Variants in PANK4 observed in about 807,000 individuals in gnomAD.
PANK4 encodes pantothenate kinase 4 (inactive).
PANK4 carries 40 observed loss-of-function variants against 87.9 expected under a neutral mutation model. The ratio of observed to expected loss-of-function variants is 0.46; its 90% CI spans 0.35 to 0.59. The LOEUF is 0.59. Among genes scored for constraint, PANK4 ranks in the 20% least tolerant of loss-of-function variants. The probability of loss-of-function intolerance (pLI) is 0.00; values close to 1 mark genes in which losing one functional copy is unlikely to be tolerated. For missense variants in PANK4, 926 were observed against 1,072.3 expected (o/e 0.86, Z 1.90); for synonymous variants, 524 against 467.4 (o/e 1.12, Z -1.56).
Position 2,520,982 on chromosome 1 carries a change from A to C in PANK4, c.423-76T>G. 6.6e-7 allele frequency: 1 copy of C among 1,526,114 alleles called. No homozygotes were observed. The highest frequency in any genetic ancestry group is 8.9e-7 in the Non-Finnish European group (1 of 1,122,178). 94.5% of individuals were successfully genotyped at this position (1,526,114 alleles called of 1,614,324 possible). On this transcript the variant is annotated intron_variant, in intron 3 of 18. Coordinates refer to ENST00000378466, the MANE Select transcript of PANK4 (RefSeq NM_018216.4). This position sits in a 1 kb window ranked among gnomAD's most constrained non-coding sequence, Gnocchi z 6.2. The stretch of plus-strand genomic sequence containing the variant: ...AACCATGCAAGCCTGCCTGGTCCGA[A>C]GGGGCAGCCATGCCCCATGCGCAAT...
chr1:2,516,561 C>G (rs766511648), intron 9 of PANK4, among the ~76,000 whole-genome samples: 6 of 152,334 alleles, frequency 3.9e-5, no homozygotes, highest in Middle Eastern at 3.4e-3. Flanking sequence ...GGTGGCTACC[C>G]CACAGGTCAC....
rs1415760550 is a variant in PANK4 at position 2,520,283 on chromosome 1, C to G, written c.699+39G>C. 1 of 1,576,924 alleles carries G rather than the reference C, an allele frequency of 6.3e-7. No homozygotes were observed. The highest frequency in any genetic ancestry group is 8.7e-7 in the Non-Finnish European group (1 of 1,147,270). On this transcript the variant is annotated intron_variant, in intron 5 of 18. Coordinates refer to ENST00000378466, the MANE Select transcript of PANK4 (RefSeq NM_018216.4). The surrounding 1 kb of genome is among the most constrained non-coding windows in gnomAD (Gnocchi z 6.2). The stretch of plus-strand genomic sequence containing the variant: ...CTTCGGGGGAAGGAAGCAGACATCT[C>G]CGCAGACCCCTGGAAGGTCTCTGGC...
chr1:2,513,129 G>T (rs771105268), intron 12 of PANK4, 90 bp from the exon 13 acceptor site: 2 of 1,400,328 alleles, frequency 1.4e-6, no homozygotes, highest in Non-Finnish European at 1.9e-6. Flanking sequence ...TCCATACCAC[G>T]CCCCTCAGGA....
Position 2,515,835 on chromosome 1 carries a change from G to A in PANK4, c.1219-118C>T, listed in dbSNP as rs1279074186. On this transcript the variant is annotated intron_variant, in intron 9 of 18. Transcript: ENST00000378466. The surrounding 1 kb of genome is among the most constrained non-coding windows in gnomAD (Gnocchi z 5.0). The stretch of plus-strand genomic sequence containing the variant: ...GAGATGTACTGCCTTCTTCCGCCAC[G>A]TCTCTGGGCCACAGACGAGACCCCC... 8.6e-6 allele frequency: 9 copies of A among 1,046,938 alleles called. No individual in the cohort carries two copies. The highest frequency in any genetic ancestry group is 2.6e-5 in the East Asian group (1 of 38,372). The allele number at this position is 1,046,938 out of a possible 1,614,324, so 64.9% of individuals were successfully genotyped here.
chr1:2,518,490 T>A, intron 8 of PANK4, 26 bp downstream of exon 8: 1 of 1,540,060 alleles, frequency 6.5e-7, no homozygotes, highest in Non-Finnish European at 8.8e-7. Flanking sequence ...CCCACGCTGC[T>A]CAGGGGCGCC....
chr1:2,514,640 CTGTT>C (rs1643731420), intron 10 of PANK4, among the ~76,000 whole-genome samples, 174 bp from the exon 11 acceptor site: 1 of 73,516 alleles, frequency 1.4e-5, no homozygotes, highest in African/African-American at 1.2e-4. Flanking sequence ...CTGTCGGGGG[CTGTT>C]TGGGGCAGGG....
rs769954222 is a variant in PANK4 at position 2,521,951 on chromosome 1, CA to C, written c.125-152del. ...CTGGAACTTAAAAACCCTGTGGGCA[CA>C]AAAGAGAGGACAGGAAAACGAACAA... On this transcript the variant is annotated intron_variant, in intron 1 of 18. Coordinates refer to ENST00000378466, the MANE Select transcript of PANK4 (RefSeq NM_018216.4). 7.7e-6 allele frequency: 5 copies of C among 650,900 alleles called. No homozygotes were observed. The East Asian group carries it at 1.1e-4, about 14-fold the overall frequency. 40.3% of individuals were successfully genotyped at this position (650,900 alleles called of 1,614,324 possible).
At chr1:2,512,791 ACCC>A (rs1643685355) in intron 13 of PANK4, 94 bp downstream of exon 13, 2 of 1,254,898 alleles carry the variant, frequency 1.6e-6, no homozygotes, top group Non-Finnish European at 2.3e-6. Context: ...GCGCCACGTG[ACCC>A]CCAAGGGACC....
chr1:2,523,731 G>A (rs1021958540), intron 1 of PANK4, among the ~76,000 whole-genome samples: 2 of 152,230 alleles, frequency 1.3e-5, no homozygotes, highest in African/African-American at 4.8e-5. Context: ...CGAGGGGCAC[G>A]CACAGCAGGG....
intron 1 of PANK4, among the ~76,000 whole-genome samples, chr1:2,523,640 C>A (rs1643896408): frequency 6.6e-6 from 1 of 152,224 alleles, no homozygotes; most frequent in African/African-American, 2.4e-5. Flanking sequence ...CCCTGAGACC[C>A]CTGCACGGAG....
chr1:2,513,489 G>A (rs978660010), intron 12 of PANK4, among the ~76,000 whole-genome samples: 13 of 152,242 alleles, frequency 8.5e-5, no homozygotes, highest in African/African-American at 2.9e-4. Context: ...GGCTCTGGCC[G>A]CCAGACTTGG....
Position 2,519,986 on chromosome 1 carries a change from G to A in PANK4, c.700-32C>T, listed in dbSNP as rs1239487245. ...GACACGGCGAGGGGGCGGGTGAGGC[G>A]CCAGGAGCTGCTGGAATCCCCACGA... On this transcript the variant is annotated intron_variant, in intron 5 of 18. Transcript: ENST00000378466. This position sits in a 1 kb window ranked among gnomAD's most constrained non-coding sequence, Gnocchi z 8.3. The A allele has an allele frequency of 9.2e-6, 14 of 1,518,498 alleles. No homozygotes were observed. Among genetic ancestry groups the A allele is most frequent in the African/African-American group, 5.5e-5 (4 of 72,378 alleles). 94.1% of individuals were successfully genotyped at this position (1,518,498 alleles called of 1,614,324 possible).
chr1:2,515,879 C>T lies in PANK4; in HGVS notation c.1219-162G>A. The T allele has an allele frequency of 1.4e-6, 1 of 731,814 alleles. No individual in the cohort carries two copies. The highest frequency in any genetic ancestry group is 2.2e-6 in the Non-Finnish European group (1 of 449,626). The allele number at this position is 731,814 out of a possible 1,614,324, so 45.3% of individuals were successfully genotyped here. On this transcript the variant is annotated intron_variant, in intron 9 of 18. Coordinates refer to ENST00000378466, the MANE Select transcript of PANK4 (RefSeq NM_018216.4). This position sits in a 1 kb window ranked among gnomAD's most constrained non-coding sequence, Gnocchi z 5.0. Reference sequence around the variant, plus strand: ...GACCCCCACTGGGCCCCCTCAGCTGCCCGGCGGCCTGAGCCGGATACCTTG... The same window carrying T: ...GACCCCCACTGGGCCCCCTCAGCTGTCCGGCGGCCTGAGCCGGATACCTTG...
rs373803833 is a variant in PANK4, at chr1:2,515,762, G to C, written c.1219-45C>G. 6.3e-5 allele frequency: 100 copies of C among 1,577,028 alleles called. No homozygotes were observed. The Middle Eastern group carries it at 1.3e-3, about 21-fold the overall frequency. ...AGGGTGGAAACGTCACCATGGTTCAGAACGACCCAAGCCACACTCAGAAGC... is the reference window on the plus strand; with the variant it reads ...AGGGTGGAAACGTCACCATGGTTCACAACGACCCAAGCCACACTCAGAAGC... On this transcript the variant is annotated intron_variant, in intron 9 of 18. Transcript: ENST00000378466. The surrounding 1 kb of genome is among the most constrained non-coding windows in gnomAD (Gnocchi z 5.0).
At position 2,514,091 on chromosome 1, in the gene PANK4, TG is replaced by T. The variant is rs755739785; in HGVS notation, c.1488-3del. ...CGCACGGTCAGGGTCCCATAGGCGC[TG>T]GGGACAGACACGGCAGAGGGCGCTG... On this transcript the variant is annotated splice_region_variant and splice_polypyrimidine_tract_variant and intron_variant, in intron 11 of 18. Coordinates refer to ENST00000378466, the MANE Select transcript of PANK4 (RefSeq NM_018216.4). 1.2e-6 allele frequency: 2 copies of T among 1,610,824 alleles called. No individual in the cohort carries two copies. Among genetic ancestry groups the T allele is most frequent in the South Asian group, 2.2e-5 (2 of 91,052 alleles).
At chr1:2,526,357 G>A (rs895137897) in intron 1 of PANK4, 107 bp downstream of exon 1, 146 of 620,440 alleles carry the variant, frequency 2.4e-4, no homozygotes, top group Non-Finnish European at 2.8e-4. Flanking sequence ...CTGTGCGCGA[G>A]GCCCGCGCCC....
In PANK4 at chr1:2,509,545, G is replaced by C. The variant is rs920294365; in HGVS notation, c.2108+317C>G. Among the ~76,000 whole-genome samples, 1 of 152,206 alleles carries C rather than the reference G, an allele frequency of 6.6e-6. No homozygotes were observed. The highest frequency in any genetic ancestry group is 1.5e-5 in the Non-Finnish European group (1 of 68,042). ...GCCTGGCATCTATGTGGGACACGGA[G>C]GTGACAGACACCGGGCAGCTGCCCA... is the stretch of plus-strand genomic sequence containing the variant. On this transcript the variant is annotated intron_variant, in intron 18 of 18. Coordinates refer to ENST00000378466, the MANE Select transcript of PANK4 (RefSeq NM_018216.4). This position sits in a 1 kb window ranked among gnomAD's most constrained non-coding sequence, Gnocchi z 4.9.
At chr1:2,514,182 C>G in intron 11 of PANK4, 93 bp from the exon 12 acceptor site, 1 of 1,227,158 alleles carries the variant, frequency 8.1e-7, no homozygotes, top group Non-Finnish European at 1.2e-6. Context: ...TCCTCAGGAG[C>G]CCGGCAGTGC....
chr1:2,519,780 G>T lies in PANK4; in HGVS notation c.853+21C>A. The stretch of plus-strand genomic sequence containing the variant: ...TGTCCCCACCATCCTGCTCTCTGGC[G>T]GCAGAGGCCGGGGTGAGCACCTTGG... On this transcript the variant is annotated intron_variant, in intron 6 of 18. Coordinates refer to ENST00000378466, the MANE Select transcript of PANK4 (RefSeq NM_018216.4). This position sits in a 1 kb window ranked among gnomAD's most constrained non-coding sequence, Gnocchi z 8.3. The T allele has an allele frequency of 6.4e-7, 1 of 1,556,540 alleles. No homozygotes were observed. The highest frequency in any genetic ancestry group is 8.7e-7 in the Non-Finnish European group (1 of 1,151,592).
Sources: gnomAD v4.1 joint callset for allele counts (sites outside exome capture counted in the v4.1 genomes callset) on GRCh38, gnomAD v4.1.1 for gene constraint, Gnocchi (gnomAD v3.1) non-coding constraint, MANE v1.5 for transcripts, NCBI Gene and HGNC (gene_info 2026-07-23, HGNC 2026-07-21) for gene names.